The following RHBDD3 variants were observed in gnomAD, a reference collection of about 807,000 sequenced individuals.
RHBDD3 encodes rhomboid domain-containing protein 3.
A neutral mutation model predicts 32.3 loss-of-function variants in RHBDD3; 34 were observed. The ratio of observed to expected loss-of-function variants is 1.05; its 90% CI spans 0.80 to 1.40. RHBDD3 has a LOEUF of 1.40. RHBDD3 is among the 40% of genes most tolerant of loss of function. The pLI, the probability that RHBDD3 is intolerant of heterozygous loss-of-function variation, is 0.00. For synonymous variants in RHBDD3, 249 were observed against 239.1 expected (o/e 1.04, Z -0.38); for missense variants, 482 against 492.6 (o/e 0.98, Z 0.20).
rs1346272238 is a variant in RHBDD3 at position 29,260,597 on chromosome 22, G to A, written c.712C>T (p.Pro238Ser). 6.3e-7 allele frequency: 1 copy of A among 1,594,026 alleles called. No homozygotes were observed. The highest frequency in any genetic ancestry group is 8.5e-7 in the Non-Finnish European group (1 of 1,170,342). The change falls in exon 6 of 7, where the codon CCG (proline) becomes TCG (serine). Residue 238 changes from proline to serine, a missense_variant. Pro to Ser is a moderately conservative substitution (Grantham distance 74, BLOSUM62 -1). Transcript: ENST00000216085. The stretch of plus-strand genomic sequence containing the variant: ...AGGTCAGGGGAGGCCACATAAGGCG[G>A]TCCAGGGATGGGAGGCCTGGAGGAG... ...PAGVRPPIPG[P>S]PYVASPDLWS...
In RHBDD3 at chr22:29,267,483, G is replaced by A. The variant is rs541285062; in HGVS notation, c.-100C>T. On this transcript the variant is annotated 5_prime_UTR_variant, in exon 2 of 7. Transcript: ENST00000216085. ...GACAAGGACGGAGATTCTTCCGGTG[G>A]CGGATAGAGTAGGGGGTCCCAGGAT... is the stretch of plus-strand genomic sequence containing the variant. 3 of 153,002 alleles carry A rather than the reference G, an allele frequency of 2.0e-5. No homozygotes were observed. In the East Asian group the frequency reaches 5.8e-4, roughly 29 times the overall value. 9.5% of individuals were successfully genotyped at this position (153,002 alleles called of 1,614,324 possible).
At chr22:29,266,163 T>C (rs1602099956) in intron 2 of RHBDD3, among the ~76,000 whole-genome samples, 1 of 152,164 alleles carries the variant, frequency 6.6e-6, no homozygotes, top group African/African-American at 2.4e-5. Flanking sequence ...TCTTGAGCCA[T>C]ACTCAGAGAC....
rs1205448444 is a variant in RHBDD3 at position 29,260,519 on chromosome 22, G to A, written c.790C>T (p.Gln264Ter). The A allele has an allele frequency of 6.3e-7, 1 of 1,597,696 alleles. No homozygotes were observed. ...TCTGAGGAGCCCTCCCAGGTGGGCT[G>A]CACAGGCCTCAGGCTTGGTGGGGGC... ...ALPPPSLRPV[Q>*]PTWEGSSEAG... The change falls in exon 6 of 7, where the codon CAG (glutamine) becomes TAG (stop). Residue 264 changes from glutamine to a stop codon, truncating the protein, a stop_gained. Coordinates refer to ENST00000216085, the MANE Select transcript of RHBDD3 (RefSeq NM_012265.3). LOFTEE classifies it high-confidence loss of function.
At chr22:29,264,253 TG>T (rs1428716734) in intron 3 of RHBDD3, 35 bp from the exon 4 acceptor site, 1 of 1,492,740 alleles carries the variant, frequency 6.7e-7, no homozygotes, top group Admixed American at 2.4e-5. Flanking sequence ...GCCAGGTTAG[TG>T]GCCCCAACAT....
At chr22:29,260,282 G>A (rs776643829) in intron 6 of RHBDD3, 44 bp downstream of exon 6, 24 of 1,606,344 alleles carry the variant, frequency 1.5e-5, no homozygotes, top group African/African-American at 1.2e-4. Context: ...GGGCCACCCC[G>A]GCCCCTATAC....
At chr22:29,268,010 G>C (rs1202780937), upstream of RHBDD3, 1 of 452,268 alleles carries the variant, frequency 2.2e-6, no homozygotes, top group East Asian at 3.5e-5. Context: ...ACCGTCCCTA[G>C]AGCCAGCGGA....
At chr22:29,264,278 A>G (rs781607765) in intron 3 of RHBDD3, 60 bp from the exon 4 acceptor site, 50 of 1,458,118 alleles carry the variant, frequency 3.4e-5, no homozygotes, top group Non-Finnish European at 4.4e-5. Context: ...AGGCTGTCCC[A>G]GGTGTGCCAG....
chr22:29,264,408 T>A, intron 3 of RHBDD3, 190 bp from the exon 4 acceptor site: 1 of 1,412,292 alleles, frequency 7.1e-7, no homozygotes, highest in East Asian at 2.6e-5. Context: ...CCAAACACTG[T>A]GGCTACGCCT....
chr22:29,268,083 G>A (rs991225331), upstream of RHBDD3: 2 of 587,900 alleles, frequency 3.4e-6, no homozygotes, highest in Admixed American at 2.9e-5. Flanking sequence ...GCTGAGACCC[G>A]CTCACCCCCG....
chr22:29,264,321 T>TGAGCCCACCTCCC (rs2058153824), intron 3 of RHBDD3, 103 bp from the exon 4 acceptor site: 2 of 1,433,156 alleles, frequency 1.4e-6, no homozygotes, highest in South Asian at 3.1e-5. Flanking sequence ...GGCCACCTGC[T>TGAGCCCACCTCCC]GAGCCCACCT....
upstream of RHBDD3, chr22:29,268,050 G>C (rs575133299): frequency 2.7e-4 from 153 of 562,772 alleles, 2 homozygotes; most frequent in South Asian, 2.9e-3. Context: ...CTAGTCTCGT[G>C]CTGAGAGCCT....
intron 4 of RHBDD3, chr22:29,262,139 C>CTTTT (rs34614149): frequency 7.8e-5 from 7 of 90,208 alleles, no homozygotes; most frequent in Non-Finnish European, 1.3e-4. Flanking sequence ...TTTTGTACGG[C>CTTTT]TTTTTTTTTT....
chr22:29,265,476 C>A lies in RHBDD3; in HGVS notation c.148+3G>T. ...CTCCAAGGTCCACGTGGCTGGCCCT[C>A]ACCCTGCCAGGGGTCCAGCAACAGC... is the stretch of plus-strand genomic sequence containing the variant. On this transcript the variant is annotated splice_donor_region_variant and intron_variant, in intron 3 of 6. Transcript: ENST00000216085. 1 of 1,525,920 alleles carries A rather than the reference C, an allele frequency of 6.6e-7. No individual in the cohort carries two copies. The highest frequency in any genetic ancestry group is 8.7e-7 in the Non-Finnish European group (1 of 1,144,000). 94.5% of individuals were successfully genotyped at this position (1,525,920 alleles called of 1,614,324 possible).
In RHBDD3 at chr22:29,260,001, C is replaced by T; in HGVS notation, c.*59G>A. On this transcript the variant is annotated 3_prime_UTR_variant, in exon 7 of 7. Transcript: ENST00000216085. ...AGACAGAGTAGGAGCTCGGGCTACC[C>T]ACATGCAGCCCAGCCCTTAGCACCC... is the stretch of plus-strand genomic sequence containing the variant. 1 of 1,503,614 alleles carries T rather than the reference C, an allele frequency of 6.7e-7. No individual in the cohort carries two copies. The highest frequency in any genetic ancestry group is 9.0e-7 in the Non-Finnish European group (1 of 1,115,488). 93.1% of individuals were successfully genotyped at this position (1,503,614 alleles called of 1,614,324 possible). A position where few individuals can be genotyped will look rare whatever the true frequency, so the allele number is the denominator to read the frequency against.
chr22:29,263,278 C>T (rs1424115524), intron 4 of RHBDD3, among the ~76,000 whole-genome samples: 3 of 152,210 alleles, frequency 2.0e-5, no homozygotes, highest in African/African-American at 4.8e-5. Context: ...CTCCTGACCT[C>T]GTGATCCGCC....
chr22:29,264,920 G>A (rs1187734910), intron 3 of RHBDD3: 3 of 152,192 alleles, frequency 2.0e-5, no homozygotes, highest in Non-Finnish European at 2.9e-5. Flanking sequence ...TGGGACTACA[G>A]GCACCCGCCA....
In RHBDD3 at chr22:29,260,148, AGT is replaced by A; in HGVS notation, c.1071_1072del (p.Leu358ValfsTer9). The A allele has an allele frequency of 6.3e-7, 1 of 1,589,490 alleles. No individual in the cohort carries two copies. Among genetic ancestry groups the A allele is most frequent in the Non-Finnish European group, 8.6e-7 (1 of 1,168,090 alleles). On this transcript the variant is annotated frameshift_variant, in exon 7 of 7. Coordinates refer to ENST00000216085, the MANE Select transcript of RHBDD3 (RefSeq NM_012265.3). LOFTEE classifies it high-confidence loss of function. ...AGTGCCCACTTGTCCTCCAACCAAC[AGT>A]GACACGGCACCCTCCACACGGCCTG...
Position 29,265,568 on chromosome 22 carries a change from A to C in RHBDD3, c.59T>G (p.Val20Gly), listed in dbSNP as rs920046713. The stretch of plus-strand genomic sequence containing the variant: ...CAGGGTGCTCATCAGCAGCATCAGG[A>C]CTGAGGAGGCCAGAGGCAGTGCTGG... ...LSPALPLASSVLMLLMSTLWL... is the reference protein window; with the variant it reads ...LSPALPLASSGLMLLMSTLWL... Residue 20 changes from valine to glycine, a missense_variant, in exon 3 of 7, where the codon GTC (valine) becomes GGC (glycine). Coordinates refer to ENST00000216085, the MANE Select transcript of RHBDD3 (RefSeq NM_012265.3). The C allele has an allele frequency of 1.3e-6, 2 of 1,590,934 alleles. No homozygotes were observed. The highest frequency in any genetic ancestry group is 1.7e-6 in the Non-Finnish European group (2 of 1,171,558).
chr22:29,260,405 G>A lies in RHBDD3; in HGVS notation c.904C>T (p.Gln302Ter). 1 of 1,612,294 alleles carries A rather than the reference G, an allele frequency of 6.2e-7. No homozygotes were observed. The highest frequency in any genetic ancestry group is 1.1e-5 in the South Asian group (1 of 90,736). ...LDEQMLQEGI[Q>*]ASLLDGPAQE... The stretch of plus-strand genomic sequence containing the variant: ...GCTGGCCCGTCAAGAAGCGAGGCCT[G>A]GATGCCCTCCTGCAGCATCTGCTCA... Residue 302 changes from glutamine to a stop codon, truncating the protein, a stop_gained, in exon 6 of 7, where the codon CAG becomes TAG. Transcript: ENST00000216085. LOFTEE classifies it high-confidence loss of function.
Sources: allele counts gnomAD v4.1 joint callset (sites outside exome capture counted in the v4.1 genomes callset), GRCh38; gene constraint gnomAD v4.1.1; transcripts MANE v1.5; gene names NCBI Gene and HGNC (gene_info 2026-07-23, HGNC 2026-07-21).